SPOCK1: variants seen among roughly 807,000 people sequenced by gnomAD.
SPOCK1 encodes the protein testican-1.
SPOCK1 carries 23 observed loss-of-function variants against 55.3 expected under a neutral mutation model. The ratio of observed to expected loss-of-function variants is 0.42; its 90% confidence interval spans 0.30 to 0.59. The LOEUF is 0.59. Ranked by LOEUF, SPOCK1 falls within the 20% of genes least tolerant of loss-of-function variation. The pLI is 0.22. For missense variants in SPOCK1, 499 were observed against 552.5 expected (o/e 0.90, Z 0.97); for synonymous variants, 226 against 221.0 (o/e 1.02, Z -0.20).
chr5:136,983,527 C>T (rs1055802382), intron 9 of SPOCK1, among the ~76,000 whole-genome samples: 5 of 151,068 alleles, frequency 3.3e-5, no homozygotes, highest in African/African-American at 1.2e-4. Context: ...AATGTAGATG[C>T]GGTCAGTAGC....
Position 136,978,321 on chromosome 5 carries a change from G to T in SPOCK1, c.*333C>A. 3.0e-6 allele frequency: 1 copy of T among 330,190 alleles called. No individual in the cohort carries two copies. Among genetic ancestry groups the T allele is most frequent in the Non-Finnish European group, 5.4e-6 (1 of 183,678 alleles). The allele number at this position is 330,190 out of a possible 1,614,324, so 20.5% of individuals were successfully genotyped here. On this transcript the variant is annotated 3_prime_UTR_variant, in exon 11 of 11. Transcript: ENST00000394945. ...AAAAAGGGTCTTTGACATTTAAGAGGGTTGGGGCTCCCTGCACTGTCAGAA... is the reference window on the plus strand; with the variant it reads ...AAAAAGGGTCTTTGACATTTAAGAGTGTTGGGGCTCCCTGCACTGTCAGAA...
intron 3 of SPOCK1, among the ~76,000 whole-genome samples, chr5:137,190,271 G>A (rs970669493): frequency 2.0e-5 from 3 of 152,136 alleles, no homozygotes; most frequent in African/African-American, 7.2e-5. Context: ...GAATTCTTTT[G>A]TGAAAGAGTC....
intron 2 of SPOCK1, among the ~76,000 whole-genome samples, chr5:137,386,808 T>C (rs1314378577): frequency 6.6e-6 from 1 of 152,102 alleles, no homozygotes; most frequent in East Asian, 1.9e-4. Flanking sequence ...ATCGATAAGC[T>C]GGACCTCATT....
intron 2 of SPOCK1, among the ~76,000 whole-genome samples, chr5:137,278,188 T>C (rs978310886): frequency 6.6e-6 from 1 of 152,182 alleles, no homozygotes; most frequent in African/African-American, 2.4e-5. Context: ...ACTGTGTCCC[T>C]AAGACTGTCC....
At chr5:137,170,526 A>T (rs1489722593) in intron 3 of SPOCK1, among the ~76,000 whole-genome samples, 1 of 152,120 alleles carries the variant, frequency 6.6e-6, no homozygotes, top group Non-Finnish European at 1.5e-5. Flanking sequence ...CATGAAGTAG[A>T]GCTACCATGA....
intron 3 of SPOCK1, among the ~76,000 whole-genome samples, chr5:137,254,236 C>A (rs760468295): frequency 6.6e-5 from 10 of 152,200 alleles, no homozygotes; most frequent in Non-Finnish European, 1.2e-4. Flanking sequence ...AGCAGGGTCA[C>A]CGCAAAGAGA....
chr5:137,303,166 T>A (rs191578521), intron 2 of SPOCK1, among the ~76,000 whole-genome samples: 131 of 152,198 alleles, frequency 8.6e-4, no homozygotes, highest in African/African-American at 2.7e-3. Flanking sequence ...GAGGCAAGCA[T>A]TTTTGAGTGG....
chr5:137,374,424 G>C (rs34825120), intron 2 of SPOCK1, among the ~76,000 whole-genome samples: 8 of 152,152 alleles, frequency 5.3e-5, no homozygotes, highest in Non-Finnish European at 1.2e-4. Flanking sequence ...AGTTCCACTC[G>C]TCAAGAGAGT....
intron 2 of SPOCK1, among the ~76,000 whole-genome samples, chr5:137,362,321 G>A (rs1286956977): frequency 6.6e-6 from 1 of 150,480 alleles, no homozygotes; most frequent in African/African-American, 2.4e-5. Context: ...TAACACAGAC[G>A]TCAGCAACCT....
intron 3 of SPOCK1, among the ~76,000 whole-genome samples, chr5:137,192,156 T>C (rs1422870417): frequency 1.4e-5 from 2 of 145,762 alleles, no homozygotes; most frequent in Non-Finnish European, 3.0e-5. Flanking sequence ...GAGAATTGCT[T>C]GAACCCGGGA....
chr5:137,339,950 G>A (rs920629137), intron 2 of SPOCK1, among the ~76,000 whole-genome samples: 1 of 152,176 alleles, frequency 6.6e-6, no homozygotes, highest in African/African-American at 2.4e-5. Context: ...CAGGTGTGAT[G>A]TGTGCTCCTG....
chr5:137,221,556 T>A (rs573284139), intron 3 of SPOCK1, among the ~76,000 whole-genome samples: 10 of 152,280 alleles, frequency 6.6e-5, no homozygotes, highest in African/African-American at 2.4e-4. Context: ...TTACACAACA[T>A]CTTCGATGAG....
At chr5:137,239,218 C>T (rs1182338919) in intron 3 of SPOCK1, among the ~76,000 whole-genome samples, 1 of 152,144 alleles carries the variant, frequency 6.6e-6, no homozygotes, top group Non-Finnish European at 1.5e-5. Context: ...AAACCCTAAA[C>T]AATAGGATTT....
At chr5:137,279,290 T>C (rs530900006) in intron 2 of SPOCK1, among the ~76,000 whole-genome samples, 48 of 152,086 alleles carry the variant, frequency 3.2e-4, no homozygotes, top group Non-Finnish European at 6.2e-4. Context: ...AGAGGAGAAG[T>C]AACAAGAAAG....
intron 4 of SPOCK1, among the ~76,000 whole-genome samples, chr5:137,133,433 ATG>A (rs1266244405): frequency 6.6e-6 from 1 of 152,158 alleles, no homozygotes; most frequent in African/African-American, 2.4e-5. Context: ...TTGCCTGACA[ATG>A]TGCAATATCT....
chr5:137,021,698 G>A (rs1751576726), intron 6 of SPOCK1, among the ~76,000 whole-genome samples: 1 of 152,124 alleles, frequency 6.6e-6, no homozygotes, highest in African/African-American at 2.4e-5. Context: ...ACTCCAAAAT[G>A]GAATGCAGTT....
chr5:137,123,540 G>A (rs761416867), intron 4 of SPOCK1, among the ~76,000 whole-genome samples: 15 of 152,146 alleles, frequency 9.9e-5, no homozygotes, highest in Non-Finnish European at 2.1e-4. Flanking sequence ...TCAGCACAGG[G>A]AGTAGTAAGC....
chr5:137,366,296 A>G (rs1751060251), intron 2 of SPOCK1, among the ~76,000 whole-genome samples: 2 of 151,904 alleles, frequency 1.3e-5, no homozygotes, highest in South Asian at 4.1e-4. Flanking sequence ...GAGCTGTCTT[A>G]TCAAAATCTA....
chr5:137,356,828 TATATATATATAGAGAG>T (rs1351600603), intron 2 of SPOCK1, among the ~76,000 whole-genome samples: 581 of 14,828 alleles, frequency 0.039, 2 homozygotes, highest in Non-Finnish European at 0.059. Flanking sequence ...TATATATATA[TATATATATATAGAGAG>T]AGAGAGAGAG....
Sources: allele counts gnomAD v4.1 joint callset (sites outside exome capture counted in the v4.1 genomes callset), GRCh38; gene constraint gnomAD v4.1.1; transcripts MANE v1.5; gene names NCBI Gene and HGNC (gene_info 2026-07-23, HGNC 2026-07-21).